DPM1: variants seen among roughly 807,000 people sequenced by gnomAD.
DPM1 encodes dolichyl-phosphate mannosyltransferase subunit 1, catalytic.
DPM1 carries 27 observed loss-of-function variants against 39.0 expected under a neutral mutation model. The ratio of observed to expected loss-of-function variants is 0.69; its 90% CI spans 0.51 to 0.95. DPM1 has a LOEUF of 0.95. DPM1 is among the 40% of genes least tolerant of loss of function. DPM1 has a pLI of 0.00. For synonymous variants in DPM1, 124 were observed against 109.0 expected, an observed-to-expected ratio of 1.14 and a Z score of -0.86; for missense variants, 307 against 315.6, an observed-to-expected ratio of 0.97 and a Z score of 0.21.
intron 1 of DPM1, among the ~76,000 whole-genome samples, chr20:50,957,002 T>C (rs1351306576): frequency 6.7e-6 from 1 of 149,806 alleles, no homozygotes; most frequent in African/African-American, 2.5e-5. Context: ...TTGTACTACA[T>C]AAAAAAATTA....
At chr20:50,939,461 G>C (rs1985517720) in intron 7 of DPM1, among the ~76,000 whole-genome samples, 1 of 149,056 alleles carries the variant, frequency 6.7e-6, no homozygotes. Context: ...CACCTCCCAA[G>C]TAGCTTAGAC....
chr20:50,936,540 T>A (rs1477466457), intron 7 of DPM1, among the ~76,000 whole-genome samples: 1 of 152,232 alleles, frequency 6.6e-6, no homozygotes, highest in Non-Finnish European at 1.5e-5. Context: ...ATTAGTGAAA[T>A]ACGGTAAAAT....
At chr20:50,945,668 A>G in intron 5 of DPM1, 69 bp downstream of exon 5, 1 of 1,350,306 alleles carries the variant, frequency 7.4e-7, no homozygotes, top group Non-Finnish European at 1.0e-6. Context: ...AAAAATGAAA[A>G]TAAGCCCAAA....
At chr20:50,941,115 G>A (rs573348301) in intron 6 of DPM1, 182 bp from the exon 7 acceptor site, 13 of 689,628 alleles carry the variant, frequency 1.9e-5, no homozygotes, top group African/African-American at 7.4e-5. Context: ...CTGGCTAGGC[G>A]CGGTGGCTCA....
At chr20:50,942,809 G>A (rs1302832489) in intron 5 of DPM1, among the ~76,000 whole-genome samples, 1 of 152,214 alleles carries the variant, frequency 6.6e-6, no homozygotes, top group Non-Finnish European at 1.5e-5. Flanking sequence ...TACACCCCTA[G>A]GATTTTTGGT....
chr20:50,945,975 T>C (rs752097103), intron 3 of DPM1, 52 bp from the exon 4 acceptor site: 11 of 1,486,940 alleles, frequency 7.4e-6, no homozygotes, highest in Middle Eastern at 1.9e-4. Context: ...TCTTTACATA[T>C]ACATTTGAAC....
At chr20:50,941,410 T>A (rs1406286552) in intron 6 of DPM1, among the ~76,000 whole-genome samples, 1 of 146,420 alleles carries the variant, frequency 6.8e-6, no homozygotes, top group Admixed American at 6.9e-5. Flanking sequence ...ATTATATATA[T>A]ATATTCATAT....
chr20:50,949,521 A>G (rs187744099), intron 2 of DPM1, among the ~76,000 whole-genome samples: 3 of 152,260 alleles, frequency 2.0e-5, no homozygotes, highest in Admixed American at 2.0e-4. Context: ...GTCCTCCTAA[A>G]TCTTTTTGCT....
At chr20:50,956,238 C>G (rs1240860739) in intron 1 of DPM1, among the ~76,000 whole-genome samples, 2 of 152,114 alleles carry the variant, frequency 1.3e-5, no homozygotes, top group African/African-American at 4.8e-5. Flanking sequence ...AAAAACAAAC[C>G]AACACAATAC....
rs1986944879 is a variant in DPM1 at position 50,958,295 on chromosome 20, G to A, written c.161+68C>T. ...TGGACAGGGCCGCTTCGCGCAGCCA[G>A]CTGCCGACACCCGGGCCGGGGAAGC... On this transcript the variant is annotated intron_variant, in intron 1 of 8. Coordinates refer to ENST00000371588, the MANE Select transcript of DPM1 (RefSeq NM_003859.3). 17 of 1,591,084 alleles carry A rather than the reference G, an allele frequency of 1.1e-5. No homozygotes were observed. The South Asian group carries it at 1.9e-4, about 18-fold the overall frequency.
intron 8 of DPM1, among the ~76,000 whole-genome samples, 186 bp from the exon 9 acceptor site, chr20:50,935,422 A>G (rs1158472899): frequency 6.6e-6 from 1 of 152,214 alleles, no homozygotes; most frequent in Non-Finnish European, 1.5e-5. Flanking sequence ...TTAAACATGC[A>G]TTATCTAAAG....
chr20:50,951,177 G>GCA (rs1384059501), intron 2 of DPM1, among the ~76,000 whole-genome samples: 2 of 152,148 alleles, frequency 1.3e-5, no homozygotes, highest in Non-Finnish European at 2.9e-5. Context: ...TTTTCAGACT[G>GCA]CAGGTAACAA....
chr20:50,942,154 A>G, intron 5 of DPM1, 28 bp from the exon 6 acceptor site: 4 of 1,583,924 alleles, frequency 2.5e-6, no homozygotes, highest in Non-Finnish European at 3.5e-6. Flanking sequence ...TGTCAATTAG[A>G]AAAAGCCACT....
chr20:50,958,374 GC>G lies in DPM1; in HGVS notation c.149del (p.Ser50ThrfsTer12). On this transcript the variant is annotated frameshift_variant, in exon 1 of 9. Transcript: ENST00000371588. LOFTEE classifies it high-confidence loss of function. ...LPLIVWLLVK[S>X]FSESGINYEI... Reference sequence around the variant, plus strand: ...ACCTGGTGCGCTACCTCTCGGAGAAGCTTTTCACCAGCAGCCACACGATGAG... The same window carrying G: ...ACCTGGTGCGCTACCTCTCGGAGAAGTTTTCACCAGCAGCCACACGATGAG... 1.2e-6 allele frequency: 2 copies of G among 1,613,774 alleles called. No homozygotes were observed. The highest frequency in any genetic ancestry group is 8.5e-7 in the Non-Finnish European group (1 of 1,180,028).
At chr20:50,939,299 TAC>T (rs1211614608) in intron 7 of DPM1, among the ~76,000 whole-genome samples, 6 of 152,222 alleles carry the variant, frequency 3.9e-5, no homozygotes, top group African/African-American at 1.4e-4. Flanking sequence ...CTTCCCGCTG[TAC>T]AGAGATTTTG....
chr20:50,950,837 C>A (rs550511428), intron 2 of DPM1, among the ~76,000 whole-genome samples: 181 of 152,214 alleles, frequency 1.2e-3, no homozygotes, highest in African/African-American at 4.2e-3. Context: ...CCACAGCACT[C>A]CAGCCTCAGT....
At chr20:50,945,802 G>A in intron 4 of DPM1, 40 bp from the exon 5 acceptor site, 1 of 1,610,756 alleles carries the variant, frequency 6.2e-7, no homozygotes, top group Admixed American at 1.7e-5. Context: ...CAGTAAAACA[G>A]GCTAAGACTA....
intron 2 of DPM1, among the ~76,000 whole-genome samples, chr20:50,951,404 G>A (rs1242904010): frequency 6.6e-6 from 1 of 152,182 alleles, no homozygotes; most frequent in African/African-American, 2.4e-5. Context: ...ACCTAGTTCT[G>A]CAAATGCACA....
At chr20:50,953,892 C>T (rs1299704416) in intron 2 of DPM1, among the ~76,000 whole-genome samples, 1 of 152,180 alleles carries the variant, frequency 6.6e-6, no homozygotes, top group Non-Finnish European at 1.5e-5. Context: ...TCAAACCTAG[C>T]ATTACTGAAA....
Sources: gnomAD v4.1 joint callset for allele counts (sites outside exome capture counted in the v4.1 genomes callset) on GRCh38, gnomAD v4.1.1 for gene constraint, MANE v1.5 for transcripts, NCBI Gene and HGNC (gene_info 2026-07-23, HGNC 2026-07-21) for gene names.